Variants in ADCY8 observed in about 807,000 individuals in gnomAD.
ADCY8 encodes adenylate cyclase type 8.
Under a neutral mutation model 119.7 loss-of-function variants are expected in ADCY8, and 51 were observed. The observed-to-expected ratio is 0.43, with a 90% CI of 0.34 to 0.54. The LOEUF (loss-of-function observed/expected upper bound fraction) is 0.54, where lower values mean the gene tolerates loss of function less well. ADCY8 is among the 20% of genes least tolerant of loss of function. The pLI is 0.03. For synonymous variants in ADCY8, 665 were observed against 651.0 expected (o/e 1.02, Z -0.33); for missense variants, 1,383 against 1,598.8 (o/e 0.87, Z 2.30).
intron 15 of ADCY8, among the ~76,000 whole-genome samples, chr8:130,797,638 G>A (rs1282820399): frequency 6.6e-6 from 1 of 152,124 alleles, no homozygotes; most frequent in Admixed American, 6.5e-5. Flanking sequence ...GCCTAGCATA[G>A]AGGACAGGAG....
Position 130,784,125 on chromosome 8 carries a change from A to ATG in ADCY8, c.3154-322_3154-321dup, listed in dbSNP as rs941706052. 5.3e-5 allele frequency among the ~76,000 whole-genome samples: 8 copies of ATG among 151,588 alleles called. No individual in the cohort carries two copies. The South Asian group carries it at 1.5e-3, about 28-fold the overall frequency. ...TGTGTGTGAATGAGTGTATGTGTGTATGTGTGTGTGTGTTGGGGGTGTGTG... is the reference window on the plus strand; with the variant it reads ...TGTGTGTGAATGAGTGTATGTGTGTATGTGTGTGTGTGTGTTGGGGGTGTGTG... On this transcript the variant is annotated intron_variant, in intron 16 of 17. Transcript: ENST00000286355.
intron 8 of ADCY8, among the ~76,000 whole-genome samples, chr8:130,882,483 G>A (rs1036948570): frequency 6.6e-6 from 1 of 152,046 alleles, no homozygotes; most frequent in African/African-American, 2.4e-5. Flanking sequence ...AGACAGCACG[G>A]GATTGTCTTC....
intron 9 of ADCY8, among the ~76,000 whole-genome samples, chr8:130,864,736 C>T (rs960064726): frequency 8.5e-5 from 13 of 152,170 alleles, no homozygotes; most frequent in African/African-American, 3.1e-4. Context: ...GAGTTTCCAT[C>T]TCTCTGTTTA....
intron 7 of ADCY8, among the ~76,000 whole-genome samples, chr8:130,897,166 G>A (rs188969481): frequency 6.6e-6 from 1 of 152,108 alleles, no homozygotes; most frequent in East Asian, 1.9e-4. Flanking sequence ...AAGACTCACA[G>A]TCTACAGAAT....
At chr8:131,007,017 A>G (rs1823140599) in intron 1 of ADCY8, among the ~76,000 whole-genome samples, 1 of 152,232 alleles carries the variant, frequency 6.6e-6, no homozygotes, top group Non-Finnish European at 1.5e-5. Flanking sequence ...AGGAGATAAA[A>G]TCCCAAATGA....
At chr8:130,821,590 T>G (rs992930316) in intron 12 of ADCY8, among the ~76,000 whole-genome samples, 170 bp from the exon 13 acceptor site, 1 of 152,154 alleles carries the variant, frequency 6.6e-6, no homozygotes, top group African/African-American at 2.4e-5. Flanking sequence ...AATTCAAAAA[T>G]CAATTGACCC....
In ADCY8 at chr8:130,838,193, G is replaced by A. The variant is rs545751631; in HGVS notation, c.2503-1744C>T. ...CATTGACAAGTGTGGAGAGTGTCCT[G>A]ACTGTGTTCTCTCAGAGGGCAAAGG... On this transcript the variant is annotated intron_variant, in intron 11 of 17. Transcript: ENST00000286355. 9.2e-5 allele frequency among the ~76,000 whole-genome samples: 14 copies of A among 152,234 alleles called. No homozygotes were observed. The East Asian group carries it at 2.7e-3, about 29-fold the overall frequency.
chr8:130,961,774 C>T (rs1388326904), intron 2 of ADCY8, among the ~76,000 whole-genome samples: 1 of 152,116 alleles, frequency 6.6e-6, no homozygotes, highest in African/African-American at 2.4e-5. Flanking sequence ...AAATATTTCT[C>T]GAGCAAACTT....
chr8:130,807,983 C>CCAAAAAAA (rs1816026435), intron 14 of ADCY8, among the ~76,000 whole-genome samples: 1 of 47,224 alleles, frequency 2.1e-5, no homozygotes, highest in Non-Finnish European at 4.0e-5. Flanking sequence ...GACTCCGTCT[C>CCAAAAAAA]AAAAAAAAAA....
intron 1 of ADCY8, among the ~76,000 whole-genome samples, chr8:131,019,219 T>G (rs189772419): frequency 6.6e-6 from 1 of 152,206 alleles, no homozygotes. Context: ...CAACAACAAA[T>G]GTTTTCTACA....
chr8:130,955,195 G>C (rs1387469061), intron 2 of ADCY8, among the ~76,000 whole-genome samples: 2 of 152,176 alleles, frequency 1.3e-5, no homozygotes, highest in African/African-American at 2.4e-5. Context: ...CTACCATCTA[G>C]TTGGCTCTGA....
chr8:130,989,015 C>T (rs1822491396), intron 2 of ADCY8, among the ~76,000 whole-genome samples: 1 of 152,162 alleles, frequency 6.6e-6, no homozygotes, highest in Non-Finnish European at 1.5e-5. Context: ...GCCAGTCTGG[C>T]AACTGATCTG....
intron 12 of ADCY8, among the ~76,000 whole-genome samples, chr8:130,826,572 T>A (rs981470571): frequency 1.3e-5 from 2 of 152,210 alleles, no homozygotes; most frequent in Non-Finnish European, 2.9e-5. Flanking sequence ...GTACATTTTA[T>A]GTCTCATCTG....
chr8:130,990,593 G>A (rs370466436), intron 1 of ADCY8, 51 bp from the exon 2 acceptor site: 6 of 1,587,604 alleles, frequency 3.8e-6, no homozygotes, highest in Admixed American at 1.7e-5. Flanking sequence ...CTATTTACAA[G>A]CAACAATAAA....
chr8:130,820,410 C>A (rs1816471660), intron 13 of ADCY8, among the ~76,000 whole-genome samples: 1 of 152,036 alleles, frequency 6.6e-6, no homozygotes. Flanking sequence ...ACACACAGAC[C>A]ACAGAAAGAT....
intron 1 of ADCY8, among the ~76,000 whole-genome samples, chr8:131,031,224 T>G (rs1260457083): frequency 6.6e-6 from 1 of 152,232 alleles, no homozygotes; most frequent in African/African-American, 2.4e-5. Context: ...GAATGCCCAA[T>G]GGCAAGGAGC....
chr8:130,998,334 A>G (rs1365370392), intron 1 of ADCY8, among the ~76,000 whole-genome samples: 1 of 152,194 alleles, frequency 6.6e-6, no homozygotes, highest in African/African-American at 2.4e-5. Flanking sequence ...GAAGTGAGGG[A>G]GTCATCCTCA....
chr8:130,843,957 A>G (rs1482348033), intron 11 of ADCY8, among the ~76,000 whole-genome samples: 1 of 152,158 alleles, frequency 6.6e-6, no homozygotes, highest in Non-Finnish European at 1.5e-5. Flanking sequence ...TTATGGAAAA[A>G]GGGATGCTTG....
chr8:131,021,560 T>C (rs1823668779), intron 1 of ADCY8, among the ~76,000 whole-genome samples: 1 of 152,208 alleles, frequency 6.6e-6, no homozygotes, highest in Non-Finnish European at 1.5e-5. Context: ...TCTTGAATTG[T>C]AGTTCCCATA....
Sources: gnomAD v4.1 joint callset for allele counts (sites outside exome capture counted in the v4.1 genomes callset) on GRCh38, gnomAD v4.1.1 for gene constraint, MANE v1.5 for transcripts, NCBI Gene and HGNC (gene_info 2026-07-23, HGNC 2026-07-21) for gene names.